Variants in DLGAP2 observed in about 807,000 individuals in gnomAD.
The protein encoded by DLGAP2 is disks large-associated protein 2.
A neutral mutation model predicts 100.3 loss-of-function variants in DLGAP2; 26 were observed. The ratio of observed to expected loss-of-function variants is 0.26; its 90% CI spans 0.19 to 0.36. The LOEUF (loss-of-function observed/expected upper bound fraction) is 0.36, where lower values mean the gene tolerates loss of function less well. Among genes scored for constraint, DLGAP2 ranks in the 10% least tolerant of loss-of-function variants. DLGAP2 has a pLI of 1.00. For synonymous variants in DLGAP2, 886 were observed against 630.1 expected, an observed-to-expected ratio of 1.41 and a Z score of -6.08; for missense variants, 1,858 against 1,453.2, an observed-to-expected ratio of 1.28 and a Z score of -4.53.
chr8:1,701,244 C>A lies in DLGAP2; in HGVS notation c.3006C>A (p.Pro1002=). The A allele has an allele frequency of 6.3e-7, 1 of 1,579,686 alleles. No individual in the cohort carries two copies. The highest frequency in any genetic ancestry group is 2.4e-5 in the East Asian group (1 of 42,542). Residue 1002 remains proline, a synonymous_variant, in exon 15 of 15, where the codon CCC becomes CCA. Transcript: ENST00000637795. ...AGAAGCCTCCCAAGGGGAAGTTTCC[C>A]ATCACAAGAGAAAAATCCCTGGACC... ...IPKKPPKGKF[P]ITREKSLDLP...
At chr8:1,216,955 G>T (rs1313422730) in intron 2 of DLGAP2, among the ~76,000 whole-genome samples, 1 of 152,108 alleles carries the variant, frequency 6.6e-6, no homozygotes, top group South Asian at 2.1e-4. Context: ...TTGCTGCTTG[G>T]TTTTTTCTTC....
intron 1 of DLGAP2, among the ~76,000 whole-genome samples, chr8:873,839 C>T (rs569278322): frequency 5.3e-5 from 8 of 152,134 alleles, no homozygotes; most frequent in African/African-American, 1.2e-4. Flanking sequence ...GTAGAGATGT[C>T]GTCTGGGCCT....
intron 1 of DLGAP2, among the ~76,000 whole-genome samples, chr8:752,878 G>A (rs943011903): frequency 1.3e-5 from 2 of 152,164 alleles, no homozygotes; most frequent in African/African-American, 4.8e-5. Flanking sequence ...GACCTCTGGG[G>A]TCCTCAGAGC....
At chr8:1,340,555 G>A (rs771201295) in intron 3 of DLGAP2, among the ~76,000 whole-genome samples, 6 of 152,156 alleles carry the variant, frequency 3.9e-5, no homozygotes, top group East Asian at 1.9e-4. Context: ...TCAGAATGGC[G>A]GTTATTAAAA....
chr8:1,306,069 T>G (rs866298174), intron 3 of DLGAP2, among the ~76,000 whole-genome samples: 1 of 69,360 alleles, frequency 1.4e-5, no homozygotes, highest in African/African-American at 5.9e-5. Context: ...GACAGAGAAA[T>G]TAGGCAAAAA....
At chr8:1,245,885 C>T (rs1275622250) in intron 2 of DLGAP2, among the ~76,000 whole-genome samples, 1 of 152,178 alleles carries the variant, frequency 6.6e-6, no homozygotes, top group Non-Finnish European at 1.5e-5. Flanking sequence ...TGGTCGAGCA[C>T]GAAGGGTGGG....
chr8:752,410 C>T (rs985910212), intron 1 of DLGAP2, among the ~76,000 whole-genome samples: 2 of 152,234 alleles, frequency 1.3e-5, no homozygotes, highest in Non-Finnish European at 2.9e-5. Context: ...GAGGCCTGGT[C>T]TTGCCCGCCG....
intron 3 of DLGAP2, among the ~76,000 whole-genome samples, chr8:1,390,620 G>A (rs1415293496): frequency 1.3e-5 from 2 of 152,084 alleles, no homozygotes; most frequent in African/African-American, 4.8e-5. Flanking sequence ...CTGGACTTCT[G>A]CCCTTTAACT....
At chr8:926,645 G>A (rs1056153657) in intron 2 of DLGAP2, among the ~76,000 whole-genome samples, 9 of 152,360 alleles carry the variant, frequency 5.9e-5, no homozygotes, top group East Asian at 1.9e-4. Context: ...CCGCCTGGGC[G>A]GCCGTGGCCA....
intron 2 of DLGAP2, among the ~76,000 whole-genome samples, chr8:1,106,034 G>A (rs183391994): frequency 3.0e-4 from 41 of 135,918 alleles, no homozygotes; most frequent in African/African-American, 1.1e-3. Flanking sequence ...GGAGGATTTT[G>A]TATTGAAGGG....
intron 2 of DLGAP2, among the ~76,000 whole-genome samples, chr8:1,166,586 G>A (rs1022087053): frequency 1.3e-5 from 2 of 152,114 alleles, no homozygotes; most frequent in Admixed American, 6.6e-5. Context: ...GGTTAATGGT[G>A]TTTATTTCTC....
intron 1 of DLGAP2, among the ~76,000 whole-genome samples, chr8:802,102 G>GGCCC (rs1796174231): frequency 7.4e-6 from 1 of 135,126 alleles, no homozygotes; most frequent in Non-Finnish European, 1.6e-5. Flanking sequence ...CTGGGGAATG[G>GGCCC]TCCACACACC....
At chr8:1,516,990 C>G (rs1800415327) in intron 4 of DLGAP2, among the ~76,000 whole-genome samples, 1 of 152,152 alleles carries the variant, frequency 6.6e-6, no homozygotes, top group Non-Finnish European at 1.5e-5. Flanking sequence ...GCCTGCCAGT[C>G]CCCAACAGCC....
intron 6 of DLGAP2, among the ~76,000 whole-genome samples, chr8:1,567,891 C>T (rs1802466185): frequency 2.0e-5 from 3 of 152,244 alleles, no homozygotes; most frequent in Non-Finnish European, 2.9e-5. Context: ...CAGCCCTTAA[C>T]ACCTGACCAG....
chr8:1,170,241 T>A (rs1245213294), intron 2 of DLGAP2, among the ~76,000 whole-genome samples: 3 of 152,218 alleles, frequency 2.0e-5, no homozygotes. Context: ...GCCCACTTGT[T>A]CATGCTGGAT....
rs117046469 is a variant in DLGAP2, at chr8:1,379,201, C to A, written c.106+120318C>A. Among the ~76,000 whole-genome samples the A allele has an allele frequency of 3.3e-5, 5 of 152,250 alleles. 1 individual carries two copies. In the South Asian group the frequency reaches 1.0e-3, roughly 32 times the overall value. On this transcript the variant is annotated intron_variant, in intron 3 of 14. Coordinates refer to ENST00000637795, the MANE Select transcript of DLGAP2 (RefSeq NM_001346810.2). The stretch of plus-strand genomic sequence containing the variant: ...ACGGGGCCACCCGCTGCCATCAGCC[C>A]GAGTCCTCCTGCCTTCGCAAATTTT...
At chr8:1,336,456 T>C (rs541766552) in intron 3 of DLGAP2, among the ~76,000 whole-genome samples, 8 of 152,320 alleles carry the variant, frequency 5.3e-5, no homozygotes, top group Non-Finnish European at 8.8e-5. Flanking sequence ...GCTCTTTCCC[T>C]CGTCTTTACA....
At chr8:1,579,954 G>A (rs546087782) in intron 6 of DLGAP2, among the ~76,000 whole-genome samples, 64 of 152,260 alleles carry the variant, frequency 4.2e-4, no homozygotes, top group Middle Eastern at 6.8e-3. Flanking sequence ...AGGGCAGCAC[G>A]ACTCAGCCAG....
intron 3 of DLGAP2, among the ~76,000 whole-genome samples, chr8:1,340,338 C>T (rs552771475): frequency 3.3e-5 from 5 of 152,240 alleles, no homozygotes. Context: ...AATTATGCAT[C>T]CCACAAAGGT....
Sources: allele counts gnomAD v4.1 joint callset (sites outside exome capture counted in the v4.1 genomes callset), GRCh38; gene constraint gnomAD v4.1.1; transcripts MANE v1.5; gene names NCBI Gene and HGNC (gene_info 2026-07-23, HGNC 2026-07-21).